Variants in TGFBR1 observed in about 807,000 individuals in gnomAD.
TGFBR1 encodes transforming growth factor beta receptor 1, also known as TGF-beta receptor type-1.
Under a neutral mutation model 55.1 loss-of-function variants are expected in TGFBR1, and 20 were observed. That is an observed-to-expected ratio of 0.36 (90% CI 0.26 to 0.53). The LOEUF is 0.53. TGFBR1 is among the 20% of genes least tolerant of loss of function. TGFBR1 has a pLI of 0.91. For missense variants in TGFBR1, 385 were observed against 617.6 expected, an observed-to-expected ratio of 0.62 and a Z score of 3.99; for synonymous variants, 220 against 214.8, an observed-to-expected ratio of 1.02 and a Z score of -0.21.
intron 4 of TGFBR1, among the ~76,000 whole-genome samples, chr9:99,141,970 T>C (rs1827627642): frequency 6.6e-6 from 1 of 152,240 alleles, no homozygotes; most frequent in African/African-American, 2.4e-5. Flanking sequence ...TTTTCTAAGC[T>C]AGCAACCTTG....
chr9:99,122,596 T>C (rs1035718904), intron 1 of TGFBR1, among the ~76,000 whole-genome samples: 1 of 152,128 alleles, frequency 6.6e-6, no homozygotes, highest in African/African-American at 2.4e-5. Context: ...TGTCTCTTTT[T>C]CCTCATGTCA....
At chr9:99,103,667 T>G (rs1028805867), upstream of TGFBR1, among the ~76,000 whole-genome samples, 8 of 152,210 alleles carry the variant, frequency 5.3e-5, no homozygotes, top group East Asian at 5.8e-4. Flanking sequence ...CTGAGGCTGC[T>G]GGAGCTGCGG....
chr9:99,105,720 C>G (rs1479609401), intron 1 of TGFBR1, among the ~76,000 whole-genome samples: 1 of 152,150 alleles, frequency 6.6e-6, no homozygotes, highest in Non-Finnish European at 1.5e-5. Context: ...TGACCTTGTT[C>G]TGGGGACCCC....
intron 2 of TGFBR1, 25 bp downstream of exon 2, chr9:99,129,125 T>C (rs200412563): frequency 6.2e-7 from 1 of 1,611,688 alleles, no homozygotes; most frequent in Non-Finnish European, 8.5e-7. Context: ...ATTTTTTTCC[T>C]AGATACTACA....
intron 1 of TGFBR1, among the ~76,000 whole-genome samples, chr9:99,126,757 C>G (rs1827053722): frequency 6.6e-6 from 1 of 152,212 alleles, no homozygotes; most frequent in African/African-American, 2.4e-5. Flanking sequence ...CACCATCACA[C>G]CTTGTCATGA....
chr9:99,149,765 G>C lies in TGFBR1; in HGVS notation c.*460G>C, dbSNP rs942988935. ...AGTTTCCTTGATTCAGACTTTGAAT[G>C]TACTGTTCTATAGTTTTTCAGGATC... is the stretch of plus-strand genomic sequence containing the variant. On this transcript the variant is annotated 3_prime_UTR_variant, in exon 9 of 9. Transcript: ENST00000374994. 2.8e-5 allele frequency: 7 copies of C among 246,438 alleles called. No individual in the cohort carries two copies. Among genetic ancestry groups the C allele is most frequent in the African/African-American group, 6.7e-5 (3 of 45,042 alleles). The allele number at this position is 246,438 out of a possible 1,614,324, so 15.3% of individuals were successfully genotyped here. A position where few individuals can be genotyped will look rare whatever the true frequency, so the allele number is the denominator to read the frequency against.
Position 99,128,857 on chromosome 9 carries a change from T to C in TGFBR1, c.100T>C (p.Leu34=). The change falls in exon 2 of 9, where the codon TTA becomes CTA. Residue 34 remains leucine, a splice_region_variant and synonymous_variant. Transcript: ENST00000374994. ...AAALLPGATA[L]QCFCHLCTKD... is the part of the protein sequence containing the mutation. ...TAAGAATCTTTCTCTTTTTCCAGCGTTACAGTGTTTCTGCCACCTCTGTAC... is the reference window on the plus strand; with the variant it reads ...TAAGAATCTTTCTCTTTTTCCAGCGCTACAGTGTTTCTGCCACCTCTGTAC... 1 of 1,613,786 alleles carries C rather than the reference T, an allele frequency of 6.2e-7. No individual in the cohort carries two copies. The highest frequency in any genetic ancestry group is 8.5e-7 in the Non-Finnish European group (1 of 1,179,896).
chr9:99,112,878 C>A (rs1242022822), intron 1 of TGFBR1, among the ~76,000 whole-genome samples: 2 of 152,046 alleles, frequency 1.3e-5, no homozygotes, highest in African/African-American at 4.8e-5. Flanking sequence ...TGGGAGAGCA[C>A]CTTAAGCAAA....
At chr9:99,114,322 C>T (rs1826669114) in intron 1 of TGFBR1, among the ~76,000 whole-genome samples, 1 of 152,138 alleles carries the variant, frequency 6.6e-6, no homozygotes, top group Non-Finnish European at 1.5e-5. Context: ...CAATACTTAG[C>T]TCTGAGTTTT....
chr9:99,143,478 T>C (rs11568784), intron 5 of TGFBR1, among the ~76,000 whole-genome samples: 228 of 152,368 alleles, frequency 1.5e-3, no homozygotes, highest in Middle Eastern at 3.4e-3. Context: ...ATTTGTATGC[T>C]GTAGTTTTTG....
intron 5 of TGFBR1, among the ~76,000 whole-genome samples, chr9:99,142,915 C>T (rs1479212140): frequency 2.6e-5 from 4 of 151,960 alleles, no homozygotes; most frequent in Non-Finnish European, 5.9e-5. Context: ...AAAAATTAGT[C>T]GGGCATGGTG....
chr9:99,126,898 A>G (rs1208520995), intron 1 of TGFBR1, among the ~76,000 whole-genome samples: 1 of 152,188 alleles, frequency 6.6e-6, no homozygotes, highest in Non-Finnish European at 1.5e-5. Flanking sequence ...TTTAATAATG[A>G]TTAAGGTAAA....
rs34711337 is a variant in TGFBR1 at position 99,117,253 on chromosome 9, ATTTTTTT to A, written c.98-11591_98-11585del. ...CAGGCATCTGCCACCACGCCTGGCT[ATTTTTTT>A]TTTTTTTTTTGTATTTTTAGTAGAG... On this transcript the variant is annotated intron_variant, in intron 1 of 8. Transcript: ENST00000374994. Among the ~76,000 whole-genome samples the A allele has an allele frequency of 2.2e-4, 30 of 135,470 alleles. No individual in the cohort carries two copies. The East Asian group carries it at 5.0e-3, about 22-fold the overall frequency. 88.9% of individuals were successfully genotyped at this position (135,470 alleles called of 152,430 possible). A position where few individuals can be genotyped will look rare whatever the true frequency, so the allele number is the denominator to read the frequency against.
At chr9:99,133,742 T>G (rs1306349930) in intron 3 of TGFBR1, among the ~76,000 whole-genome samples, 1 of 152,194 alleles carries the variant, frequency 6.6e-6, no homozygotes, top group Non-Finnish European at 1.5e-5. Context: ...AAAGTATGAG[T>G]CATCTTCAAA....
At chr9:99,148,873 A>G (rs1827886879) in intron 8 of TGFBR1, among the ~76,000 whole-genome samples, 1 of 151,968 alleles carries the variant, frequency 6.6e-6, no homozygotes, top group Admixed American at 6.6e-5. Context: ...TGAATACTTC[A>G]AAGTACAAAC....
chr9:99,113,013 C>G (rs1826630344), intron 1 of TGFBR1, among the ~76,000 whole-genome samples: 1 of 151,792 alleles, frequency 6.6e-6, no homozygotes, highest in African/African-American at 2.4e-5. Flanking sequence ...TTATTTAGAC[C>G]CTGAAGTCCT....
chr9:99,108,047 C>T (rs1338354150), intron 1 of TGFBR1, among the ~76,000 whole-genome samples: 1 of 152,170 alleles, frequency 6.6e-6, no homozygotes, highest in Non-Finnish European at 1.5e-5. Flanking sequence ...AGATTCATGC[C>T]ATTTCTTTCT....
In TGFBR1 at chr9:99,150,630, G is replaced by A. The variant is rs2118878384; in HGVS notation, c.*1325G>A. 4.7e-6 allele frequency: 1 copy of A among 213,420 alleles called. No individual in the cohort carries two copies. Among genetic ancestry groups the A allele is most frequent in the African/African-American group, 2.3e-5 (1 of 44,432 alleles). The allele number at this position is 213,420 out of a possible 1,614,324, so 13.2% of individuals were successfully genotyped here. On this transcript the variant is annotated 3_prime_UTR_variant, in exon 9 of 9. Transcript: ENST00000374994. ...TGGTTTTGAGGTCTCACTACACTTT[G>A]AGGAAGGCAGCTTTTAATTCAGTGT...
intron 3 of TGFBR1, among the ~76,000 whole-genome samples, chr9:99,137,009 A>G (rs917856043): frequency 1.3e-5 from 2 of 152,214 alleles, no homozygotes; most frequent in African/African-American, 2.4e-5. Context: ...TGCCACTTAA[A>G]TGTTGCAGGT....
Sources: gnomAD v4.1 joint callset for allele counts (sites outside exome capture counted in the v4.1 genomes callset) on GRCh38, gnomAD v4.1.1 for gene constraint, MANE v1.5 for transcripts, NCBI Gene and HGNC (gene_info 2026-07-23, HGNC 2026-07-21) for gene names.